SYNE2: variants seen among roughly 807,000 people sequenced by gnomAD.
SYNE2 encodes the protein nesprin-2.
A neutral mutation model predicts 856.3 loss-of-function variants in SYNE2; 431 were observed. That is an observed-to-expected ratio of 0.50 (90% CI 0.47 to 0.55). The LOEUF (loss-of-function observed/expected upper bound fraction) is 0.55, where lower values mean the gene tolerates loss of function less well. SYNE2 is among the 20% of genes least tolerant of loss of function. The probability of loss-of-function intolerance (pLI) is 0.00; values close to 1 mark genes in which losing one functional copy is unlikely to be tolerated. For missense variants in SYNE2, 8,129 were observed against 8,023.2 expected, an observed-to-expected ratio of 1.01 and a Z score of -0.50; for synonymous variants, 2,923 against 2,872.3, an observed-to-expected ratio of 1.02 and a Z score of -0.56.
At chr14:63,960,281 T>C (rs982132371) in intron 8 of SYNE2, among the ~76,000 whole-genome samples, 1 of 152,210 alleles carries the variant, frequency 6.6e-6, no homozygotes, top group Non-Finnish European at 1.5e-5. Flanking sequence ...AATTACATTG[T>C]TTGCAAATGA....
chr14:63,865,763 T>TA (rs934298608), intron 1 of SYNE2, among the ~76,000 whole-genome samples: 2 of 134,562 alleles, frequency 1.5e-5, no homozygotes, highest in African/African-American at 5.6e-5. Context: ...ATCTGGCCTT[T>TA]AAAAAAAAGA....
At chr14:64,129,401 G>C (rs2097988015) in intron 74 of SYNE2, among the ~76,000 whole-genome samples, 1 of 152,214 alleles carries the variant, frequency 6.6e-6, no homozygotes, top group Non-Finnish European at 1.5e-5. Flanking sequence ...AGTCCATTGA[G>C]AGCTGACTGA....
intron 74 of SYNE2, among the ~76,000 whole-genome samples, chr14:64,129,430 C>A (rs1157387188): frequency 3.3e-5 from 5 of 152,176 alleles, no homozygotes; most frequent in Admixed American, 3.3e-4. Flanking sequence ...GCAGGGTACA[C>A]CCTTACAATA....
At chr14:63,779,607 CAAAT>C (rs1248811102) in intron 1 of SYNE2, among the ~76,000 whole-genome samples, 1 of 151,848 alleles carries the variant, frequency 6.6e-6, no homozygotes, top group Admixed American at 6.6e-5. Context: ...TTAGCGAATG[CAAAT>C]AAATAAATAA....
chr14:63,915,745 C>A (rs2095526355), intron 2 of SYNE2, among the ~76,000 whole-genome samples: 1 of 152,126 alleles, frequency 6.6e-6, no homozygotes, highest in Non-Finnish European at 1.5e-5. Context: ...TCTGTGTCTT[C>A]TCGGTAGGTA....
intron 1 of SYNE2, among the ~76,000 whole-genome samples, chr14:63,798,965 C>A (rs1290233564): frequency 1.3e-5 from 2 of 152,162 alleles, no homozygotes; most frequent in East Asian, 3.8e-4. Flanking sequence ...GTCCCAGGGT[C>A]CTGCTCACAC....
intron 1 of SYNE2, among the ~76,000 whole-genome samples, chr14:63,884,859 C>G (rs1327662159): frequency 1.3e-5 from 2 of 152,010 alleles, no homozygotes; most frequent in Non-Finnish European, 2.9e-5. Flanking sequence ...CCAGGATGGT[C>G]TCGATCTCCT....
chr14:64,032,452 C>T lies in SYNE2; in HGVS notation c.7221+1095C>T, dbSNP rs542276822. Among the ~76,000 whole-genome samples, 53 of 152,256 alleles carry T rather than the reference C, an allele frequency of 3.5e-4. No individual in the cohort carries two copies. In the South Asian group the frequency reaches 4.6e-3, roughly 13 times the overall value. ...CAGTGCACATCTGTTATCCCAGCTC[C>T]TTGGGAGGCTGAGATGGGGGAATCA... On this transcript the variant is annotated intron_variant, in intron 45 of 115. Coordinates refer to ENST00000555002, the MANE Select transcript of SYNE2 (RefSeq NM_182914.3).
chr14:64,053,648 T>C lies in SYNE2; in HGVS notation c.9735T>C (p.Asp3245=), dbSNP rs1288335825. ...DLQMQLNTSI[D]LRTNVLNDAY... ...AGATGCAGCTTAACACAAGCATTGA[T>C]TTGCGCACAGTAAGTTTTAAAAATT... is the stretch of plus-strand genomic sequence containing the variant. Residue 3245 remains aspartate (D), a synonymous_variant, in exon 48 of 116, where the codon GAT becomes GAC. Coordinates refer to ENST00000555002, the MANE Select transcript of SYNE2 (RefSeq NM_182914.3). 1 of 1,613,124 alleles carries C rather than the reference T, an allele frequency of 6.2e-7. No homozygotes were observed. The highest frequency in any genetic ancestry group is 1.7e-5 in the Admixed American group (1 of 59,940).
intron 49 of SYNE2, among the ~76,000 whole-genome samples, chr14:64,062,334 C>G (rs539719481): frequency 2.0e-5 from 3 of 152,036 alleles, no homozygotes; most frequent in African/African-American, 4.8e-5. Context: ...TTAGGATAAG[C>G]TCTATATGTT....
In SYNE2 at chr14:64,129,837, T is replaced by C; in HGVS notation, c.14075T>C (p.Leu4692Pro). 6.2e-7 allele frequency: 1 copy of C among 1,614,168 alleles called. No homozygotes were observed. Among genetic ancestry groups the C allele is most frequent in the Non-Finnish European group, 8.5e-7 (1 of 1,180,026 alleles). The change falls in exon 75 of 116, where the codon CTA (leucine) becomes CCA (proline). Residue 4692 changes from leucine (L) to proline (P), a missense_variant. Transcript: ENST00000555002. ...LENAESRVAK[L>P]RDEGERLHLP... is the part of the protein sequence containing the mutation. ...AACGCCGAGAGCCGAGTGGCCAAAC[T>C]AAGAGATGAAGGGGAGAGGCTTCAT... is the stretch of plus-strand genomic sequence containing the variant.
intron 94 of SYNE2, among the ~76,000 whole-genome samples, chr14:64,173,723 C>G (rs776714022): frequency 6.6e-6 from 1 of 152,052 alleles, no homozygotes; most frequent in African/African-American, 2.4e-5. Context: ...CTCGGCCACC[C>G]GAGTAGCTGG....
In SYNE2 at chr14:64,087,842, C is replaced by G. The variant is rs1235280357; in HGVS notation, c.11656C>G (p.Gln3886Glu). The G allele has an allele frequency of 1.2e-6, 2 of 1,614,002 alleles. No individual in the cohort carries two copies. Among genetic ancestry groups the G allele is most frequent in the Admixed American group, 3.3e-5 (2 of 60,020 alleles). The change falls in exon 58 of 116, where the codon CAG becomes GAG. Residue 3886 changes from glutamine to glutamate, a missense_variant. Around this residue, in one of 3 missense-constraint regions of SYNE2, gnomAD observed 5,410 missense variants for 5,284.8 expected, o/e 1.02. Coordinates refer to ENST00000555002, the MANE Select transcript of SYNE2 (RefSeq NM_182914.3). ...QKIMESLPQIQRMADDVVAIE... is the reference protein window; with the variant it reads ...QKIMESLPQIERMADDVVAIE... ...AATAATGGAAAGCCTTCCACAGATT[C>G]AGCGAATGGCTGATGTAAGTTTGCA... is the stretch of plus-strand genomic sequence containing the variant.
intron 2 of SYNE2, among the ~76,000 whole-genome samples, chr14:63,933,193 C>A (rs539680218): frequency 8.5e-5 from 13 of 152,268 alleles, no homozygotes; most frequent in Admixed American, 6.5e-4. Context: ...ACATTTTAAT[C>A]CTGCATCGCT....
Position 63,961,709 on chromosome 14 carries a change from A to G in SYNE2, c.888+84A>G, listed in dbSNP as rs2096316717. The G allele has an allele frequency of 6.5e-5, 63 of 967,334 alleles. No individual in the cohort carries two copies. In the South Asian group the frequency reaches 7.8e-4, roughly 12 times the overall value. The allele number at this position is 967,334 out of a possible 1,614,324, so 59.9% of individuals were successfully genotyped here. ...TTTTTAAAATCAAGATATAATTTGC[A>G]TACAGAACTTAAATGTACAGTTTAA... On this transcript the variant is annotated intron_variant, in intron 9 of 115. Transcript: ENST00000555002.
At chr14:63,900,441 C>G (rs940253455) in intron 1 of SYNE2, among the ~76,000 whole-genome samples, 1 of 152,098 alleles carries the variant, frequency 6.6e-6, no homozygotes, top group African/African-American at 2.4e-5. Flanking sequence ...AAAAAGAGAG[C>G]TTGTGCAGGA....
intron 6 of SYNE2, among the ~76,000 whole-genome samples, chr14:63,944,278 TTATATATATA>T (rs71123818): frequency 3.8e-4 from 55 of 144,054 alleles, no homozygotes; most frequent in Admixed American, 1.7e-3. Flanking sequence ...TTCTGAATTT[TTATATATATA>T]TATATATATA....
rs113798833 is a variant in SYNE2 at position 63,833,368 on chromosome 14, C to A, written c.-304-19133C>A. Among the ~76,000 whole-genome samples, 134 of 152,216 alleles carry A rather than the reference C, an allele frequency of 8.8e-4. 1 individual carries two copies. The highest frequency in any genetic ancestry group is 3.0e-3 in the African/African-American group (126 of 41,548). Reference sequence around the variant, plus strand: ...AATACAAATCTATAGTGCTTATCTTCTTGTACTTTTCTTTCTCAAATAGAT... The same window carrying A: ...AATACAAATCTATAGTGCTTATCTTATTGTACTTTTCTTTCTCAAATAGAT... On this transcript the variant is annotated intron_variant, in intron 1 of 23. Transcript: ENST00000674003.
At chr14:63,959,024 C>T (rs1255879) in intron 8 of SYNE2, among the ~76,000 whole-genome samples, 104,043 of 151,978 alleles carry the variant, frequency 0.68, 35,891 homozygotes, top group Admixed American at 0.77. Flanking sequence ...CCTGACAAGA[C>T]GCTGCAGGCT....
Sources: allele counts gnomAD v4.1 joint callset (sites outside exome capture counted in the v4.1 genomes callset), GRCh38; gene constraint gnomAD v4.1.1; regional missense constraint gnomAD v4.1.1; transcripts MANE v1.5; gene names NCBI Gene and HGNC (gene_info 2026-07-23, HGNC 2026-07-21).